Variants in BANK1 observed in about 807,000 individuals in gnomAD.
BANK1 encodes B-cell scaffold protein with ankyrin repeats.
A neutral mutation model predicts 94.5 loss-of-function variants in BANK1; 95 were observed. The ratio of observed to expected loss-of-function variants is 1.00; its 90% CI spans 0.85 to 1.19. The LOEUF (loss-of-function observed/expected upper bound fraction) is 1.19, where lower values mean the gene tolerates loss of function less well. Among genes scored for constraint, BANK1 ranks in the 50% most tolerant of loss-of-function variants. The pLI, the probability that BANK1 is intolerant of heterozygous loss-of-function variation, is 0.00. For synonymous variants in BANK1, 334 were observed against 308.4 expected (o/e 1.08, Z -0.87); for missense variants, 987 against 932.2 (o/e 1.06, Z -0.77).
chr4:102,035,445 G>A lies in BANK1; in HGVS notation c.1900+5180G>A, dbSNP rs1363062202. Among the ~76,000 whole-genome samples the A allele has an allele frequency of 2.0e-5, 3 of 152,016 alleles. No homozygotes were observed. In the South Asian group the frequency reaches 6.2e-4, roughly 32 times the overall value. ...GGGCGGATCACGAGGTCAGGAGAGT[G>A]AGACCATCCTGGCTAACACGGTGAA... On this transcript the variant is annotated intron_variant, in intron 10 of 16. Transcript: ENST00000322953.
At position 101,903,252 on chromosome 4, in the gene BANK1, G is replaced by A. The variant is rs184572372; in HGVS notation, c.1009+7842G>A. ...AAAACCTGAAACACCTTCATTTTAG[G>A]AAAATGATTATGGAGAATACCCACA... On this transcript the variant is annotated intron_variant, in intron 6 of 16. Transcript: ENST00000322953. 5.8e-4 allele frequency among the ~76,000 whole-genome samples: 88 copies of A among 152,230 alleles called. 1 individual carries two copies. The highest frequency in any genetic ancestry group is 5.5e-3 in the Admixed American group (84 of 15,286).
At chr4:101,852,470 CTATATA>C (rs541955636) in intron 2 of BANK1, among the ~76,000 whole-genome samples, 49 of 103,766 alleles carry the variant, frequency 4.7e-4, no homozygotes, top group South Asian at 6.9e-4. Context: ...TATTTTTCGG[CTATATA>C]TATATATATA....
intron 7 of BANK1, among the ~76,000 whole-genome samples, chr4:101,935,888 T>C (rs1349773147): frequency 6.6e-6 from 1 of 151,496 alleles, no homozygotes; most frequent in East Asian, 2.0e-4. Context: ...TAGAACCCTG[T>C]CTCTCACCAT....
chr4:101,863,657 A>G (rs1254613354), intron 4 of BANK1, among the ~76,000 whole-genome samples: 1 of 152,118 alleles, frequency 6.6e-6, no homozygotes, highest in Non-Finnish European at 1.5e-5. Flanking sequence ...TCCATACTAA[A>G]CATTTATAAA....
Position 101,849,799 on chromosome 4 carries a change from T to G in BANK1, c.470-5236T>G, listed in dbSNP as rs1033196258. 4.6e-5 allele frequency among the ~76,000 whole-genome samples: 7 copies of G among 152,190 alleles called. No homozygotes were observed. In the South Asian group the frequency reaches 8.3e-4, roughly 18 times the overall value. ...TTTTCTACCCAAGGGCCGGAAAAAC[T>G]TCGTCATTTATTTACTTTGGAAAAT... On this transcript the variant is annotated intron_variant, in intron 2 of 16. Transcript: ENST00000322953.
At chr4:102,014,756 T>C (rs1229316748) in intron 7 of BANK1, among the ~76,000 whole-genome samples, 2 of 152,266 alleles carry the variant, frequency 1.3e-5, no homozygotes, top group Non-Finnish European at 2.9e-5. Flanking sequence ...ATTGGTGTTG[T>C]CATGCCTAAA....
At chr4:102,031,756 C>T (rs1055204370) in intron 10 of BANK1, among the ~76,000 whole-genome samples, 1 of 152,018 alleles carries the variant, frequency 6.6e-6, no homozygotes, top group Non-Finnish European at 1.5e-5. Context: ...CACAGATCCA[C>T]CTAAGAGAAA....
chr4:101,887,816 A>G (rs1728910059), intron 5 of BANK1, among the ~76,000 whole-genome samples: 1 of 152,210 alleles, frequency 6.6e-6, no homozygotes, highest in Admixed American at 6.5e-5. Context: ...GATTCATTCA[A>G]AACAGAAAAT....
intron 10 of BANK1, among the ~76,000 whole-genome samples, chr4:102,037,371 GAA>G (rs1367121805): frequency 5.3e-5 from 8 of 152,200 alleles, no homozygotes; most frequent in African/African-American, 1.7e-4. Flanking sequence ...ATACTTTAGA[GAA>G]TGATTATTTA....
intron 3 of BANK1, among the ~76,000 whole-genome samples, chr4:101,859,316 C>G (rs1727787315): frequency 6.6e-6 from 1 of 152,150 alleles, no homozygotes; most frequent in Non-Finnish European, 1.5e-5. Flanking sequence ...AAGCTACATA[C>G]AGGGACTATT....
At chr4:101,817,775 A>G (rs1178534998) in intron 1 of BANK1, among the ~76,000 whole-genome samples, 6 of 152,164 alleles carry the variant, frequency 3.9e-5, no homozygotes, top group Non-Finnish European at 7.4e-5. Flanking sequence ...GAGACCCAGG[A>G]TGGCTTTGAA....
intron 13 of BANK1, among the ~76,000 whole-genome samples, chr4:102,071,046 C>A (rs917997528): frequency 1.3e-5 from 2 of 152,018 alleles, no homozygotes; most frequent in Non-Finnish European, 2.9e-5. Context: ...AATCATAATA[C>A]CTTGAGACAA....
In BANK1 at chr4:101,918,152, G is replaced by A; in HGVS notation, c.1169G>A (p.Gly390Asp). Residue 390 changes from glycine to aspartate, a missense_variant, in exon 7 of 17, where the codon GGT (glycine) becomes GAT (aspartate). Gly to Asp is a moderately conservative substitution (Grantham distance 94). Transcript: ENST00000322953. ...SDPAHIAERHGHKELKKIFED... is the reference protein window; with the variant it reads ...SDPAHIAERHDHKELKKIFED... ...CCCGCACATATTGCTGAAAGGCATG[G>A]TCACAAAGAACTCAAGAAAATCTTC... is the stretch of plus-strand genomic sequence containing the variant. 1 of 1,590,164 alleles carries A rather than the reference G, an allele frequency of 6.3e-7. No individual in the cohort carries two copies. Among genetic ancestry groups the A allele is most frequent in the Non-Finnish European group, 8.6e-7 (1 of 1,167,112 alleles).
intron 7 of BANK1, among the ~76,000 whole-genome samples, chr4:101,949,120 T>A (rs1184663884): frequency 3.3e-5 from 5 of 151,942 alleles, no homozygotes; most frequent in Admixed American, 3.3e-4. Flanking sequence ...TCTGGCTTGT[T>A]TAGGATGGTT....
chr4:101,918,017 C>T lies in BANK1; in HGVS notation c.1034C>T (p.Thr345Ile). The T allele has an allele frequency of 3.1e-6, 5 of 1,607,322 alleles. No individual in the cohort carries two copies. The highest frequency in any genetic ancestry group is 4.3e-6 in the Non-Finnish European group (5 of 1,175,450). ...NKYTHFKELPTLLHCAAKFGL... is the reference protein window; with the variant it reads ...NKYTHFKELPILLHCAAKFGL... ...GATACTCATTTCAAAGAACTTCCAA[C>T]TCTTCTCCACTGTGCAGCAAAATTT... is the stretch of plus-strand genomic sequence containing the variant. The change falls in exon 7 of 17, where the codon ACT becomes ATT. Residue 345 changes from threonine (T) to isoleucine (I), a missense_variant. Physicochemically the swap from Thr to Ile is moderately conservative, Grantham distance 89. Coordinates refer to ENST00000322953, the MANE Select transcript of BANK1 (RefSeq NM_017935.5).
intron 6 of BANK1, among the ~76,000 whole-genome samples, chr4:101,898,475 A>AT (rs1387017414): frequency 6.6e-6 from 1 of 152,008 alleles, no homozygotes; most frequent in Non-Finnish European, 1.5e-5. Flanking sequence ...TTGGTGAACT[A>AT]TTTTATTTAT....
At chr4:101,837,682 A>G (rs72923466) in intron 2 of BANK1, among the ~76,000 whole-genome samples, 3,881 of 152,286 alleles carry the variant, frequency 0.025, 65 homozygotes, top group African/African-American at 0.05. Flanking sequence ...TTTTTAAAAT[A>G]TCATGTTTGG....
In BANK1 at chr4:102,025,319, C is replaced by T; in HGVS notation, c.1404C>T (p.Thr468=). The change falls in exon 9 of 17, where the codon ACC becomes ACT. Residue 468 remains threonine, a synonymous_variant. Coordinates refer to ENST00000322953, the MANE Select transcript of BANK1 (RefSeq NM_017935.5). ...AACAGAATGGATCAGGCATGGAGAC[C>T]AAACACAGCCCACTAGAGGTTGGCA... ...EGKQNGSGME[T]KHSPLEVGSE... 1 of 1,613,976 alleles carries T rather than the reference C, an allele frequency of 6.2e-7. No homozygotes were observed. Among genetic ancestry groups the T allele is most frequent in the Non-Finnish European group, 8.5e-7 (1 of 1,179,992 alleles).
intron 7 of BANK1, among the ~76,000 whole-genome samples, chr4:101,973,428 C>T (rs572799137): frequency 2.0e-5 from 3 of 152,140 alleles, no homozygotes; most frequent in East Asian, 3.9e-4. Context: ...CAAAGCCATA[C>T]AGTCAATATG....
Sources: allele counts gnomAD v4.1 joint callset (sites outside exome capture counted in the v4.1 genomes callset), GRCh38; gene constraint gnomAD v4.1.1; transcripts MANE v1.5; gene names NCBI Gene and HGNC (gene_info 2026-07-23, HGNC 2026-07-21).